The following TOPAZ1 variants were observed in gnomAD, a reference collection of about 807,000 sequenced individuals.
The protein encoded by TOPAZ1 is protein TOPAZ1.
Under a neutral mutation model 172.2 loss-of-function variants are expected in TOPAZ1, and 66 were observed. The observed-to-expected ratio is 0.38, with a 90% CI of 0.31 to 0.47. TOPAZ1 has a LOEUF of 0.47. Among genes scored for constraint, TOPAZ1 ranks in the 20% least tolerant of loss-of-function variants. The probability of loss-of-function intolerance (pLI) is 0.99; values close to 1 mark genes in which losing one functional copy is unlikely to be tolerated. For missense variants in TOPAZ1, 1,822 were observed against 1,972.4 expected (o/e 0.92, Z 1.44); for synonymous variants, 681 against 683.9 (o/e 1.00, Z 0.07).
chr3:44,265,919 C>T (rs1228263066), intron 5 of TOPAZ1, among the ~76,000 whole-genome samples: 2 of 152,152 alleles, frequency 1.3e-5, no homozygotes, highest in African/African-American at 4.8e-5. Context: ...CTATGAAAGT[C>T]CTAGATGGTA....
At chr3:44,275,156 A>T (rs1322791936) in intron 8 of TOPAZ1, among the ~76,000 whole-genome samples, 2 of 152,052 alleles carry the variant, frequency 1.3e-5, no homozygotes, top group Non-Finnish European at 2.9e-5. Context: ...CAATCAAGTC[A>T]GGGTATTTGG....
chr3:44,267,735 ATAAT>A (rs1373455138), intron 6 of TOPAZ1, among the ~76,000 whole-genome samples: 2 of 152,158 alleles, frequency 1.3e-5, no homozygotes, highest in African/African-American at 4.8e-5. Context: ...CAGTTTTTTG[ATAAT>A]TAACAATATT....
At chr3:44,291,302 G>T (rs1388994101) in intron 12 of TOPAZ1, among the ~76,000 whole-genome samples, 1 of 144,850 alleles carries the variant, frequency 6.9e-6, no homozygotes, top group East Asian at 2.0e-4. Context: ...GGCCTCCAAA[G>T]ACCTTTAAAA....
intron 9 of TOPAZ1, among the ~76,000 whole-genome samples, chr3:44,283,651 T>C (rs1365092147): frequency 1.3e-5 from 2 of 152,168 alleles, no homozygotes; most frequent in Non-Finnish European, 2.9e-5. Flanking sequence ...TCTGTGAAAA[T>C]GGAAATAATA....
chr3:44,324,435 T>C (rs1700574633), intron 18 of TOPAZ1, among the ~76,000 whole-genome samples: 1 of 151,760 alleles, frequency 6.6e-6, no homozygotes, highest in African/African-American at 2.4e-5. Flanking sequence ...GTGTGTGTGA[T>C]TTTAGTTTCT....
chr3:44,327,714 G>GA (rs2125706974), intron 18 of TOPAZ1, among the ~76,000 whole-genome samples: 1 of 151,980 alleles, frequency 6.6e-6, no homozygotes, highest in South Asian at 2.1e-4. Flanking sequence ...TCATTTTTCA[G>GA]AGTGTTTTTT....
At chr3:44,327,123 T>A (rs1700609002) in intron 18 of TOPAZ1, among the ~76,000 whole-genome samples, 1 of 152,290 alleles carries the variant, frequency 6.6e-6, no homozygotes. Context: ...CCCTCGTCTA[T>A]AACATGGAAG....
intron 8 of TOPAZ1, among the ~76,000 whole-genome samples, chr3:44,277,111 CATT>C (rs1699969462): frequency 6.6e-6 from 1 of 152,072 alleles, no homozygotes; most frequent in Admixed American, 6.6e-5. Flanking sequence ...ATTTTAATGA[CATT>C]AATCCTTCTA....
chr3:44,276,621 G>GTTTT (rs1699960637), intron 8 of TOPAZ1, among the ~76,000 whole-genome samples: 5 of 26,548 alleles, frequency 1.9e-4, no homozygotes, highest in African/African-American at 8.3e-4. Context: ...CTCCAGCTTT[G>GTTTT]TTCTTTTTTT....
intron 2 of TOPAZ1, 123 bp from the exon 3 acceptor site, chr3:44,254,845 T>C (rs1263586969): frequency 1.8e-5 from 11 of 601,442 alleles, no homozygotes; most frequent in Non-Finnish European, 3.2e-5. Context: ...GTAAGTACTC[T>C]GCCCTGGAGG....
At chr3:44,293,969 A>G (rs1201249855) in intron 12 of TOPAZ1, among the ~76,000 whole-genome samples, 6 of 152,242 alleles carry the variant, frequency 3.9e-5, no homozygotes, top group African/African-American at 1.4e-4. Flanking sequence ...AGCCGGGTAC[A>G]GTGGCTCATG....
chr3:44,278,183 A>G (rs1046168966), intron 8 of TOPAZ1, among the ~76,000 whole-genome samples: 1 of 152,082 alleles, frequency 6.6e-6, no homozygotes, highest in Non-Finnish European at 1.5e-5. Context: ...TATCATGTTT[A>G]TTTATTTGTG....
intron 9 of TOPAZ1, among the ~76,000 whole-genome samples, chr3:44,284,634 T>A (rs2125691945): frequency 6.6e-6 from 1 of 152,332 alleles, no homozygotes; most frequent in Non-Finnish European, 1.5e-5. Context: ...GGTATATACC[T>A]AAGAGTAAAA....
rs1699866816 is a variant in TOPAZ1 at position 44,269,252 on chromosome 3, T to C, written c.3197T>C (p.Leu1066Pro). 1 of 1,550,242 alleles carries C rather than the reference T, an allele frequency of 6.5e-7. No homozygotes were observed. Among genetic ancestry groups the C allele is most frequent in the Non-Finnish European group, 8.7e-7 (1 of 1,145,882 alleles). The change falls in exon 7 of 20, where the codon CTG becomes CCG. Residue 1066 changes from leucine to proline, a missense_variant. Physicochemically the swap from Leu to Pro is moderately conservative, Grantham distance 98. This residue lies in a region of TOPAZ1 where 1,489 missense variants were observed against 1,490.8 expected (regional missense o/e 1.00). Coordinates refer to ENST00000309765, the MANE Select transcript of TOPAZ1 (RefSeq NM_001145030.2). ...CTGGGAAAACATTCTGTCCTAAAGC[T>C]GCAGAATCCTGAAACTTGTGAAATA... is the stretch of plus-strand genomic sequence containing the variant. ...RFLGKHSVLK[L>P]QNPETCEIFK...
In TOPAZ1 at chr3:44,302,826, A is replaced by C. The variant is rs1053170785; in HGVS notation, c.3798-1189A>C. Among the ~76,000 whole-genome samples, 10 of 152,170 alleles carry C rather than the reference A, an allele frequency of 6.6e-5. No individual in the cohort carries two copies. In the South Asian group the frequency reaches 1.9e-3, roughly 28 times the overall value. On this transcript the variant is annotated intron_variant, in intron 12 of 19. Transcript: ENST00000309765. ...ATTATGTGGTTTTTTTGTATTTATAAAAGCTATTGTTTTTTGTTTGTGTGT... is the reference window on the plus strand; with the variant it reads ...ATTATGTGGTTTTTTTGTATTTATACAAGCTATTGTTTTTTGTTTGTGTGT...
intron 12 of TOPAZ1, among the ~76,000 whole-genome samples, chr3:44,298,730 A>T (rs1700227079): frequency 6.7e-6 from 1 of 149,900 alleles, no homozygotes; most frequent in Non-Finnish European, 1.5e-5. Context: ...AAAAACTTTG[A>T]CCCAAACCCG....
chr3:44,298,119 T>C (rs1370588321), intron 12 of TOPAZ1, among the ~76,000 whole-genome samples: 2 of 152,112 alleles, frequency 1.3e-5, no homozygotes, highest in East Asian at 3.9e-4. Flanking sequence ...AAACGTATAT[T>C]CTAAAATTTA....
chr3:44,278,147 T>C (rs1699984415), intron 8 of TOPAZ1, among the ~76,000 whole-genome samples: 1 of 152,248 alleles, frequency 6.6e-6, no homozygotes, highest in Non-Finnish European at 1.5e-5. Context: ...CATATGGTTT[T>C]TGTCCTTCAT....
chr3:44,244,331 A>T lies in TOPAZ1; in HGVS notation c.1825A>T (p.Ile609Phe), dbSNP rs528472282. 316 of 1,550,790 alleles carry T rather than the reference A, an allele frequency of 2.0e-4. No individual in the cohort carries two copies. Among genetic ancestry groups the T allele is most frequent in the African/African-American group, 8.3e-4 (61 of 73,104 alleles). Residue 609 changes from isoleucine (I) to phenylalanine (F), a missense_variant, in exon 2 of 20, where the codon ATT (isoleucine) becomes TTT (phenylalanine). This residue lies in a region of TOPAZ1 where 1,489 missense variants were observed against 1,490.8 expected (regional missense o/e 1.00). Transcript: ENST00000309765. The part of the protein sequence containing the change: ...EELSRRGSEV[I>F]SNTTEDTQLT... ...ACTGAGCAGAAGAGGGTCAGAGGTA[A>T]TTTCTAACACTACTGAAGATACTCA...
Sources: gnomAD v4.1 joint callset for allele counts (sites outside exome capture counted in the v4.1 genomes callset) on GRCh38, gnomAD v4.1.1 for gene constraint, gnomAD v4.1.1 regional missense constraint, MANE v1.5 for transcripts, NCBI Gene and HGNC (gene_info 2026-07-23, HGNC 2026-07-21) for gene names.